Variants in PLCB1 observed in about 807,000 individuals in gnomAD.
The protein encoded by PLCB1 is 1-phosphatidylinositol 4,5-bisphosphate phosphodiesterase beta-1.
Under a neutral mutation model 161.8 loss-of-function variants are expected in PLCB1, and 46 were observed. The observed-to-expected ratio is 0.28, with a 90% CI of 0.22 to 0.36. The LOEUF is 0.36. PLCB1 is among the 10% of genes least tolerant of loss of function. The probability of loss-of-function intolerance (pLI) is 1.00; values close to 1 mark genes in which losing one functional copy is unlikely to be tolerated. For missense variants in PLCB1, 1,016 were observed against 1,472.5 expected, an observed-to-expected ratio of 0.69 and a Z score of 5.07; for synonymous variants, 517 against 503.7, an observed-to-expected ratio of 1.03 and a Z score of -0.35.
At chr20:8,816,303 A>T (rs940170465) in intron 31 of PLCB1, among the ~76,000 whole-genome samples, 1 of 152,228 alleles carries the variant, frequency 6.6e-6, no homozygotes, top group Non-Finnish European at 1.5e-5. Flanking sequence ...GCCCAGCCAC[A>T]AGAAAGAAAT....
rs1439282697 is a variant in PLCB1 at position 8,789,783 on chromosome 20, A to G, written c.3336+208A>G. Reference sequence around the variant, plus strand: ...ACTTTGTAAAAGGATTCATCTAAAAATAGAGTCAAGTCATTTCCAAAGTCA... The same window carrying G: ...ACTTTGTAAAAGGATTCATCTAAAAGTAGAGTCAAGTCATTTCCAAAGTCA... On this transcript the variant is annotated intron_variant, in intron 30 of 31. Coordinates refer to ENST00000338037, the MANE Select transcript of PLCB1 (RefSeq NM_015192.4). 5.9e-5 allele frequency among the ~76,000 whole-genome samples: 9 copies of G among 152,358 alleles called. No homozygotes were observed. The East Asian group carries it at 1.7e-3, about 29-fold the overall frequency.
At chr20:8,390,033 A>G (rs1315185297) in intron 3 of PLCB1, among the ~76,000 whole-genome samples, 1 of 152,174 alleles carries the variant, frequency 6.6e-6, no homozygotes, top group African/African-American at 2.4e-5. Context: ...TGTCAAAAGG[A>G]CCACTTTTCA....
At chr20:8,455,047 A>G (rs1230688878) in intron 3 of PLCB1, among the ~76,000 whole-genome samples, 1 of 146,586 alleles carries the variant, frequency 6.8e-6, no homozygotes, top group Non-Finnish European at 1.5e-5. Context: ...AATGAGTACT[A>G]GTTGGCCGGG....
intron 2 of PLCB1, among the ~76,000 whole-genome samples, chr20:8,270,636 A>T (rs1982237465): frequency 6.6e-6 from 1 of 152,162 alleles, no homozygotes; most frequent in African/African-American, 2.4e-5. Context: ...AAAAAATAGG[A>T]ATCACATTCT....
intron 3 of PLCB1, among the ~76,000 whole-genome samples, chr20:8,497,455 T>G (rs1983227659): frequency 6.6e-6 from 1 of 152,220 alleles, no homozygotes; most frequent in African/African-American, 2.4e-5. Flanking sequence ...TTATTAAATA[T>G]GTTTCGAGAA....
intron 3 of PLCB1, among the ~76,000 whole-genome samples, chr20:8,592,580 G>T (rs1987182644): frequency 6.6e-6 from 1 of 152,188 alleles, no homozygotes; most frequent in South Asian, 2.1e-4. Flanking sequence ...AACTGAAGGG[G>T]CCTGAGAGGG....
chr20:8,741,646 T>A, intron 23 of PLCB1, 73 bp downstream of exon 23: 1 of 860,884 alleles, frequency 1.2e-6, no homozygotes, highest in Non-Finnish European at 1.9e-6. Context: ...TTTGCCTAAG[T>A]AATATCACAT....
At chr20:8,756,943 A>T (rs1981766396) in intron 23 of PLCB1, 103 bp from the exon 24 acceptor site, 2 of 1,121,498 alleles carry the variant, frequency 1.8e-6, no homozygotes, top group Admixed American at 5.3e-5. Flanking sequence ...TTCCAACTCC[A>T]AAAGAATTGT....
chr20:8,290,883 A>C (rs1043285494), intron 2 of PLCB1, among the ~76,000 whole-genome samples: 2 of 152,124 alleles, frequency 1.3e-5, no homozygotes, highest in African/African-American at 4.8e-5. Flanking sequence ...CATTTGGAAG[A>C]ACATAAATTA....
intron 25 of PLCB1, among the ~76,000 whole-genome samples, chr20:8,762,601 C>A (rs1188874262): frequency 6.6e-6 from 1 of 152,136 alleles, no homozygotes; most frequent in East Asian, 1.9e-4. Context: ...TCCAAGAATG[C>A]AGCAATTCCT....
intron 2 of PLCB1, among the ~76,000 whole-genome samples, chr20:8,213,445 C>T (rs1475092402): frequency 2.0e-5 from 3 of 151,992 alleles, no homozygotes; most frequent in East Asian, 3.9e-4. Context: ...GGAGGAAGAG[C>T]TTTGAAATCA....
intron 3 of PLCB1, among the ~76,000 whole-genome samples, chr20:8,491,522 G>A (rs1351707442): frequency 1.3e-5 from 2 of 152,086 alleles, no homozygotes; most frequent in African/African-American, 4.8e-5. Flanking sequence ...GTTGTCTAAT[G>A]TTCCACTGGG....
chr20:8,242,117 A>T (rs955824816), intron 2 of PLCB1, among the ~76,000 whole-genome samples: 4 of 151,966 alleles, frequency 2.6e-5, no homozygotes, highest in African/African-American at 9.7e-5. Flanking sequence ...CAGAGAACTT[A>T]GTGTCTCTTC....
At chr20:8,511,668 A>T (rs1983899278) in intron 3 of PLCB1, among the ~76,000 whole-genome samples, 2 of 152,060 alleles carry the variant, frequency 1.3e-5, no homozygotes, top group African/African-American at 4.8e-5. Flanking sequence ...TTTACTCCAC[A>T]TTCTCGCCAA....
Position 8,464,544 on chromosome 20 carries a change from A to T in PLCB1, c.246+93094A>T, listed in dbSNP as rs544575396. Among the ~76,000 whole-genome samples the T allele has an allele frequency of 3.9e-5, 6 of 152,298 alleles. No homozygotes were observed. The South Asian group carries it at 1.2e-3, about 32-fold the overall frequency. On this transcript the variant is annotated intron_variant, in intron 3 of 31. Coordinates refer to ENST00000338037, the MANE Select transcript of PLCB1 (RefSeq NM_015192.4). ...GCTGTGTCTAATCTGCTGATAAAACATCTGTAAGGAACATGACTGTGCTGC... is the reference window on the plus strand; with the variant it reads ...GCTGTGTCTAATCTGCTGATAAAACTTCTGTAAGGAACATGACTGTGCTGC...
intron 3 of PLCB1, among the ~76,000 whole-genome samples, chr20:8,381,056 T>G (rs372129022): frequency 2.0e-5 from 3 of 152,336 alleles, no homozygotes; most frequent in East Asian, 1.9e-4. Context: ...TTTTTCCCAT[T>G]CAATATAATA....
intron 11 of PLCB1, among the ~76,000 whole-genome samples, chr20:8,699,163 C>T (rs558789373): frequency 6.6e-6 from 1 of 152,296 alleles, no homozygotes; most frequent in South Asian, 2.1e-4. Flanking sequence ...GACAACCTCT[C>T]GCACTAGGTC....
In PLCB1 at chr20:8,694,181, CAG is replaced by C. The variant is rs542815795; in HGVS notation, c.1010-3441_1010-3440del. Among the ~76,000 whole-genome samples, 200 of 152,208 alleles carry C rather than the reference CAG, an allele frequency of 1.3e-3. 1 individual carries two copies. The highest frequency in any genetic ancestry group is 2.5e-3 in the Non-Finnish European group (167 of 68,006). ...AGGCTTAAGGCAGAAAAGAGAGTAACAGAGAATATGAATACATGTGTTTGAAA... is the reference window on the plus strand; with the variant it reads ...AGGCTTAAGGCAGAAAAGAGAGTAACAGAATATGAATACATGTGTTTGAAA... On this transcript the variant is annotated intron_variant, in intron 10 of 31. Coordinates refer to ENST00000338037, the MANE Select transcript of PLCB1 (RefSeq NM_015192.4).
At chr20:8,675,846 G>A (rs1009650537) in intron 9 of PLCB1, among the ~76,000 whole-genome samples, 1 of 152,174 alleles carries the variant, frequency 6.6e-6, no homozygotes, top group Admixed American at 6.5e-5. Flanking sequence ...TCATCCGTGT[G>A]AAAACCTGGA....
Sources: allele counts gnomAD v4.1 joint callset (sites outside exome capture counted in the v4.1 genomes callset), GRCh38; gene constraint gnomAD v4.1.1; transcripts MANE v1.5; gene names NCBI Gene and HGNC (gene_info 2026-07-23, HGNC 2026-07-21).